Variants in SUSD6 observed in about 807,000 individuals in gnomAD.
SUSD6 encodes the protein sushi domain-containing protein 6.
Under a neutral mutation model 28.4 loss-of-function variants are expected in SUSD6, and 16 were observed. The ratio of observed to expected loss-of-function variants is 0.56; its 90% CI spans 0.38 to 0.86. The LOEUF (loss-of-function observed/expected upper bound fraction) is 0.86. Ranked by LOEUF, SUSD6 falls within the 40% of genes least tolerant of loss-of-function variation. The pLI, the probability that SUSD6 is intolerant of heterozygous loss-of-function variation, is 0.00. For missense variants in SUSD6, 341 were observed against 384.2 expected (o/e 0.89, Z 0.94); for synonymous variants, 147 against 159.6 (o/e 0.92, Z 0.59).
intron 2 of SUSD6, among the ~76,000 whole-genome samples, chr14:69,698,349 ATGCACTATAGAT>A (rs1886256752): frequency 6.6e-6 from 1 of 152,152 alleles, no homozygotes; most frequent in Non-Finnish European, 1.5e-5. Flanking sequence ...CAAACAAAAA[ATGCACTATAGAT>A]AATTTAAATG....
chr14:69,676,141 A>G (rs1595051728), intron 2 of SUSD6, among the ~76,000 whole-genome samples: 1 of 152,182 alleles, frequency 6.6e-6, no homozygotes, highest in African/African-American at 2.4e-5. Flanking sequence ...TATTAGAAAG[A>G]AGAGAATTAA....
At chr14:69,671,113 G>A (rs1383193236) in intron 2 of SUSD6, among the ~76,000 whole-genome samples, 1 of 152,214 alleles carries the variant, frequency 6.6e-6, no homozygotes, top group Non-Finnish European at 1.5e-5. Context: ...GCAGGTGCCT[G>A]TCCTGGCTGA....
At chr14:69,707,450 T>C (rs901177493) in intron 4 of SUSD6, among the ~76,000 whole-genome samples, 3 of 152,222 alleles carry the variant, frequency 2.0e-5, no homozygotes, top group African/African-American at 7.2e-5. Context: ...TGTTATCCCA[T>C]TCAAGTAAAG....
At chr14:69,635,523 A>T (rs779662620) in intron 1 of SUSD6, among the ~76,000 whole-genome samples, 6 of 151,956 alleles carry the variant, frequency 3.9e-5, no homozygotes, top group Non-Finnish European at 8.8e-5. Flanking sequence ...AGGAGGACAT[A>T]TTCTAAAGAG....
In SUSD6 at chr14:69,678,921, G is replaced by A. The variant is rs528798368; in HGVS notation, c.121+20208G>A. Among the ~76,000 whole-genome samples the A allele has an allele frequency of 1.6e-4, 25 of 152,332 alleles. No homozygotes were observed. In the South Asian group the frequency reaches 5.2e-3, roughly 32 times the overall value. On this transcript the variant is annotated intron_variant, in intron 2 of 5. Transcript: ENST00000342745. ...AGAATTTCTCTGGTATCTACACCTGGCAGGAGAGTTCCGGATTGTTGGAAA... is the reference window on the plus strand; with the variant it reads ...AGAATTTCTCTGGTATCTACACCTGACAGGAGAGTTCCGGATTGTTGGAAA...
intron 1 of SUSD6, among the ~76,000 whole-genome samples, chr14:69,619,951 C>T (rs1159045599): frequency 6.6e-6 from 1 of 152,208 alleles, no homozygotes; most frequent in Non-Finnish European, 1.5e-5. Context: ...AGCGTGAACA[C>T]ACATCTATAA....
chr14:69,685,729 T>C (rs1187731948), intron 2 of SUSD6, among the ~76,000 whole-genome samples: 2 of 152,236 alleles, frequency 1.3e-5, no homozygotes, highest in East Asian at 3.8e-4. Flanking sequence ...TTAAATTTGC[T>C]AAACCCGTGG....
At chr14:69,638,919 C>A (rs998992997) in intron 1 of SUSD6, among the ~76,000 whole-genome samples, 1 of 152,140 alleles carries the variant, frequency 6.6e-6, no homozygotes, top group Non-Finnish European at 1.5e-5. Flanking sequence ...TCTCTGAGCT[C>A]CTTTGGTCCA....
chr14:69,657,281 C>T (rs1475134652), intron 1 of SUSD6, among the ~76,000 whole-genome samples: 1 of 152,064 alleles, frequency 6.6e-6, no homozygotes, highest in African/African-American at 2.4e-5. Flanking sequence ...ATGGTGAAAC[C>T]CCATCTCTAC....
intron 2 of SUSD6, among the ~76,000 whole-genome samples, chr14:69,688,070 G>A (rs777662987): frequency 6.6e-5 from 10 of 151,980 alleles, no homozygotes; most frequent in Admixed American, 5.9e-4. Context: ...CTGCTTTTTG[G>A]TTGTTGTGGT....
chr14:69,656,053 A>T (rs1172810180), intron 1 of SUSD6, among the ~76,000 whole-genome samples: 4 of 149,728 alleles, frequency 2.7e-5, no homozygotes, highest in African/African-American at 9.8e-5. Context: ...ACTCTGATCC[A>T]CTTGTATTTG....
At chr14:69,696,438 C>A (rs531951497) in intron 2 of SUSD6, among the ~76,000 whole-genome samples, 1 of 152,316 alleles carries the variant, frequency 6.6e-6, no homozygotes, top group South Asian at 2.1e-4. Flanking sequence ...ATTGACCTTG[C>A]TTTTTCTCTG....
At position 69,711,277 on chromosome 14, in the gene SUSD6, G is replaced by A. The variant is rs1222341849; in HGVS notation, c.*298G>A. On this transcript the variant is annotated 3_prime_UTR_variant, in exon 6 of 6. Coordinates refer to ENST00000342745, the MANE Select transcript of SUSD6 (RefSeq NM_014734.4). ...AACCCTCCCTTTTCCTAAGCCTCTG[G>A]GTCCCCTCCAGCCAGCTCTTTGGCG... 6 of 452,880 alleles carry A rather than the reference G, an allele frequency of 1.3e-5. No individual in the cohort carries two copies. Among genetic ancestry groups the A allele is most frequent in the African/African-American group, 6.0e-5 (3 of 50,330 alleles). 28.1% of individuals were successfully genotyped at this position (452,880 alleles called of 1,614,324 possible).
chr14:69,664,623 T>C (rs74060261), intron 2 of SUSD6, among the ~76,000 whole-genome samples: 4,072 of 152,276 alleles, frequency 0.027, 189 homozygotes, highest in African/African-American at 0.093. Flanking sequence ...CACTAATTGT[T>C]GTGCCATGTT....
At position 69,703,879 on chromosome 14, in the gene SUSD6, A is replaced by G. The variant is rs1164597500; in HGVS notation, c.319+287A>G. On this transcript the variant is annotated intron_variant, in intron 3 of 5. Transcript: ENST00000342745. ...GGCCAAGTGTTGGTGACCCTTGACCATGTTCTGCCCTCACAGTGAGCACAA... is the reference window on the plus strand; with the variant it reads ...GGCCAAGTGTTGGTGACCCTTGACCGTGTTCTGCCCTCACAGTGAGCACAA... The G allele has an allele frequency of 1.0e-5, 5 of 495,188 alleles. No homozygotes were observed. The East Asian group carries it at 1.9e-4, about 19-fold the overall frequency. 30.7% of individuals were successfully genotyped at this position (495,188 alleles called of 1,614,324 possible).
At chr14:69,687,110 G>A (rs1284684801) in intron 2 of SUSD6, among the ~76,000 whole-genome samples, 1 of 152,126 alleles carries the variant, frequency 6.6e-6, no homozygotes, top group Non-Finnish European at 1.5e-5. Context: ...GAGTAGCTGG[G>A]ATTACAGGCA....
intron 1 of SUSD6, among the ~76,000 whole-genome samples, chr14:69,643,609 C>T (rs192458740): frequency 4.6e-5 from 7 of 152,322 alleles, no homozygotes; most frequent in Admixed American, 3.3e-4. Flanking sequence ...GGTGAGCAAA[C>T]AGCAGGTGCT....
chr14:69,641,650 T>G (rs1885354394), intron 1 of SUSD6, among the ~76,000 whole-genome samples: 1 of 152,146 alleles, frequency 6.6e-6, no homozygotes, highest in Non-Finnish European at 1.5e-5. Flanking sequence ...AGTGCAGTGC[T>G]GTGATCATAG....
At chr14:69,654,778 T>C (rs945163591) in intron 1 of SUSD6, among the ~76,000 whole-genome samples, 1 of 87,254 alleles carries the variant, frequency 1.1e-5, no homozygotes, top group Non-Finnish European at 2.3e-5. Context: ...TTTCTTTTTT[T>C]TTTTTTTTTT....
Sources: allele counts gnomAD v4.1 joint callset (sites outside exome capture counted in the v4.1 genomes callset), GRCh38; gene constraint gnomAD v4.1.1; transcripts MANE v1.5; gene names NCBI Gene and HGNC (gene_info 2026-07-23, HGNC 2026-07-21).